PTPRD: variants seen among roughly 807,000 people sequenced by gnomAD.
PTPRD encodes protein tyrosine phosphatase receptor type D.
A neutral mutation model predicts 214.5 loss-of-function variants in PTPRD; 34 were observed. The ratio of observed to expected loss-of-function variants is 0.16; its 90% confidence interval spans 0.12 to 0.21. The LOEUF is 0.21. Among genes scored for constraint, PTPRD ranks in the 10% least tolerant of loss-of-function variants. The pLI, the probability that PTPRD is intolerant of heterozygous loss-of-function variation, is 1.00. For missense variants in PTPRD, 2,545 were observed against 2,398.7 expected, an observed-to-expected ratio of 1.06 and a Z score of -1.27; for synonymous variants, 1,128 against 845.7, an observed-to-expected ratio of 1.33 and a Z score of -5.79.
At chr9:9,235,281 C>T (rs949973494) in intron 9 of PTPRD, among the ~76,000 whole-genome samples, 2 of 152,126 alleles carry the variant, frequency 1.3e-5, no homozygotes, top group African/African-American at 4.8e-5. Context: ...TTGGTCCCTC[C>T]CATGACAAAT....
chr9:8,836,540 T>G (rs921895377), intron 11 of PTPRD, among the ~76,000 whole-genome samples: 3 of 151,022 alleles, frequency 2.0e-5, no homozygotes, highest in Non-Finnish European at 3.0e-5. Context: ...TTGATACACA[T>G]TTTTTAAAGT....
rs3075574 is a variant in PTPRD at position 10,182,259 on chromosome 9, C to CAAAAAAAAAAAAAAAAAAA, written c.-544-148488_-544-148470dup. On this transcript the variant is annotated intron_variant, in intron 3 of 45. Transcript: ENST00000381196. ...TGGGCAGCACAGTGAGACTCTGCCT[C>CAAAAAAAAAAAAAAAAAAA]AAAAAAAAAAAAAAAAAAAAGAAAA... Among the ~76,000 whole-genome samples the CAAAAAAAAAAAAAAAAAAA allele has an allele frequency of 3.2e-3, 172 of 54,364 alleles. 2 individuals carry two copies. Among genetic ancestry groups the CAAAAAAAAAAAAAAAAAAA allele is most frequent in the Middle Eastern group, 0.013 (1 of 80 alleles). 35.7% of individuals were successfully genotyped at this position (54,364 alleles called of 152,430 possible). A position where few individuals can be genotyped will look rare whatever the true frequency, so the allele number is the denominator to read the frequency against.
intron 10 of PTPRD, among the ~76,000 whole-genome samples, chr9:9,161,636 C>G (rs544540100): frequency 6.6e-6 from 1 of 152,174 alleles, no homozygotes; most frequent in South Asian, 2.1e-4. Flanking sequence ...CATGGAGCCT[C>G]CTGAATGAGA....
chr9:8,952,034 T>C (rs1588734598), intron 11 of PTPRD, among the ~76,000 whole-genome samples: 1 of 151,974 alleles, frequency 6.6e-6, no homozygotes, highest in South Asian at 2.1e-4. Context: ...TATAAAAATA[T>C]ATATGATAGA....
At chr9:8,693,452 G>A (rs1210894652) in intron 12 of PTPRD, among the ~76,000 whole-genome samples, 2 of 152,178 alleles carry the variant, frequency 1.3e-5, no homozygotes, top group Non-Finnish European at 2.9e-5. Context: ...CCAAATATAG[G>A]CATTAAGGTG....
At chr9:9,034,208 G>C (rs769433443) in intron 10 of PTPRD, among the ~76,000 whole-genome samples, 24 of 152,132 alleles carry the variant, frequency 1.6e-4, no homozygotes, top group Non-Finnish European at 2.6e-4. Flanking sequence ...GGACAGAGCA[G>C]TAGAATATAG....
intron 3 of PTPRD, among the ~76,000 whole-genome samples, chr9:10,111,302 G>T (rs1337199167): frequency 7.7e-6 from 1 of 130,466 alleles, no homozygotes; most frequent in African/African-American, 2.9e-5. Flanking sequence ...GCAGTGGCGG[G>T]ATCTCGGCTC....
chr9:9,478,795 T>G (rs2095249663), intron 8 of PTPRD, among the ~76,000 whole-genome samples: 1 of 152,226 alleles, frequency 6.6e-6, no homozygotes, highest in African/African-American at 2.4e-5. Flanking sequence ...TTGTTAAAGA[T>G]GCTGCTCGAG....
chr9:9,828,779 T>C (rs954606333), intron 5 of PTPRD, among the ~76,000 whole-genome samples: 1 of 151,890 alleles, frequency 6.6e-6, no homozygotes, highest in Non-Finnish European at 1.5e-5. Flanking sequence ...TATAACTACT[T>C]GAAGTAGTGT....
intron 8 of PTPRD, among the ~76,000 whole-genome samples, chr9:9,504,884 T>C (rs928638344): frequency 6.6e-6 from 1 of 151,712 alleles, no homozygotes; most frequent in African/African-American, 2.4e-5. Flanking sequence ...AAAACAATTC[T>C]ATTCACAGTA....
intron 10 of PTPRD, among the ~76,000 whole-genome samples, chr9:9,147,710 T>A (rs1443971684): frequency 6.6e-6 from 1 of 152,148 alleles, no homozygotes; most frequent in East Asian, 1.9e-4. Context: ...CCACAAAGTC[T>A]AAATTATTTA....
At chr9:9,829,823 T>G (rs1056336971) in intron 5 of PTPRD, among the ~76,000 whole-genome samples, 8 of 151,816 alleles carry the variant, frequency 5.3e-5, no homozygotes, top group African/African-American at 1.9e-4. Flanking sequence ...TTTTAAGAGA[T>G]CCATTGTTTT....
At chr9:10,272,684 T>C (rs1301115650) in intron 3 of PTPRD, among the ~76,000 whole-genome samples, 1 of 152,218 alleles carries the variant, frequency 6.6e-6, no homozygotes, top group Non-Finnish European at 1.5e-5. Context: ...CCCCCTAGTG[T>C]TTGAACTCAC....
chr9:9,697,845 T>C (rs2097410469), intron 7 of PTPRD, among the ~76,000 whole-genome samples: 1 of 152,200 alleles, frequency 6.6e-6, no homozygotes, highest in Non-Finnish European at 1.5e-5. Context: ...GAATTCTTTA[T>C]TCATTATTTT....
At chr9:10,069,433 T>C (rs2154177905) in intron 3 of PTPRD, among the ~76,000 whole-genome samples, 1 of 152,178 alleles carries the variant, frequency 6.6e-6, no homozygotes, top group Non-Finnish European at 1.5e-5. Flanking sequence ...CTATTGGAGC[T>C]GGATTTTCTC....
intron 4 of PTPRD, among the ~76,000 whole-genome samples, chr9:9,953,049 A>G (rs559477092): frequency 3.9e-4 from 60 of 152,334 alleles, no homozygotes; most frequent in Non-Finnish European, 7.5e-4. Flanking sequence ...AATTAGTATC[A>G]ACATCAAAGA....
intron 3 of PTPRD, among the ~76,000 whole-genome samples, chr9:10,332,363 G>A (rs555632478): frequency 6.6e-6 from 1 of 151,774 alleles, no homozygotes; most frequent in Non-Finnish European, 1.5e-5. Flanking sequence ...CATTCAGCAA[G>A]GATCTCCTGC....
intron 2 of PTPRD, among the ~76,000 whole-genome samples, chr9:10,380,794 T>C (rs1331511071): frequency 2.6e-5 from 4 of 152,010 alleles, no homozygotes; most frequent in Admixed American, 6.6e-5. Context: ...CAATTTCCAT[T>C]TTTTTCCTAG....
At chr9:8,762,601 C>T (rs1048867318) in intron 11 of PTPRD, among the ~76,000 whole-genome samples, 3 of 152,220 alleles carry the variant, frequency 2.0e-5, no homozygotes, top group Non-Finnish European at 2.9e-5. Flanking sequence ...GAACGGGCTC[C>T]TTCAATAGAA....
Sources: gnomAD v4.1 joint callset for allele counts (sites outside exome capture counted in the v4.1 genomes callset) on GRCh38, gnomAD v4.1.1 for gene constraint, MANE v1.5 for transcripts, NCBI Gene and HGNC (gene_info 2026-07-23, HGNC 2026-07-21) for gene names.